Variants in GPR149 observed in about 807,000 individuals in gnomAD.
The protein encoded by GPR149 is G protein-coupled receptor 149.
Under a neutral mutation model 50.2 loss-of-function variants are expected in GPR149, and 50 were observed. The observed-to-expected ratio is 1.00, with a 90% confidence interval of 0.79 to 1.26. The LOEUF (loss-of-function observed/expected upper bound fraction) is 1.26. Ranked by LOEUF, GPR149 falls within the 50% of genes most tolerant of loss-of-function variation. The pLI is 0.00. For missense variants in GPR149, 983 were observed against 895.4 expected, an observed-to-expected ratio of 1.10 and a Z score of -1.25; for synonymous variants, 405 against 358.2, an observed-to-expected ratio of 1.13 and a Z score of -1.48.
At chr3:154,406,854 G>T (rs150848636) in intron 3 of GPR149, among the ~76,000 whole-genome samples, 1 of 152,172 alleles carries the variant, frequency 6.6e-6, no homozygotes, top group African/African-American at 2.4e-5. Flanking sequence ...CCGTTCTCAC[G>T]TTGCTGATAA....
Position 154,429,365 on chromosome 3 carries a change from G to T in GPR149, c.251C>A (p.Ser84Ter). Residue 84 changes from serine (S) to a stop codon, truncating the protein, a stop_gained, in exon 1 of 4, where the codon TCG becomes TAG. Coordinates refer to ENST00000389740, the MANE Select transcript of GPR149 (RefSeq NM_001038705.3). LOFTEE classifies it high-confidence loss of function. ...CTGCAAAAACATGAAGATGGTCACCGACAGGACGCTCATGAGATCATCCAC... is the reference window on the plus strand; with the variant it reads ...CTGCAAAAACATGAAGATGGTCACCTACAGGACGCTCATGAGATCATCCAC... ...WSVDDLMSVLSVTIFMFLQWP... is the reference protein window; with the variant it reads ...WSVDDLMSVL The T allele has an allele frequency of 2.5e-6, 4 of 1,614,176 alleles. No homozygotes were observed. The highest frequency in any genetic ancestry group is 3.4e-6 in the Non-Finnish European group (4 of 1,180,038).
At chr3:154,409,131 A>T (rs1445890980) in intron 3 of GPR149, among the ~76,000 whole-genome samples, 1 of 152,196 alleles carries the variant, frequency 6.6e-6, no homozygotes, top group African/African-American at 2.4e-5. Context: ...GAGCAAAAAC[A>T]ATCACTACAG....
At chr3:154,412,789 A>C (rs765421558) in intron 3 of GPR149, among the ~76,000 whole-genome samples, 1 of 152,102 alleles carries the variant, frequency 6.6e-6, no homozygotes, top group Non-Finnish European at 1.5e-5. Context: ...CCTTCACAGA[A>C]CTAGAAAAAC....
At chr3:154,425,667 T>C (rs1712270035) in intron 2 of GPR149, among the ~76,000 whole-genome samples, 1 of 152,144 alleles carries the variant, frequency 6.6e-6, no homozygotes, top group Non-Finnish European at 1.5e-5. Context: ...ATTTCAAGTC[T>C]TTCTTTGGAA....
chr3:154,390,663 T>C (rs1715147397), intron 3 of GPR149, among the ~76,000 whole-genome samples: 1 of 151,980 alleles, frequency 6.6e-6, no homozygotes, highest in South Asian at 2.1e-4. Flanking sequence ...AAAGAAATAA[T>C]GAATGAAAAC....
At position 154,400,554 on chromosome 3, in the gene GPR149, C is replaced by G. The variant is rs559306874; in HGVS notation, c.1623+20485G>C. On this transcript the variant is annotated intron_variant, in intron 3 of 3. Transcript: ENST00000389740. ...AACTTTAAGATAATTTCTCTAGACA[C>G]TCCTTCCACAATATTGTCATTCTGA... is the stretch of plus-strand genomic sequence containing the variant. Among the ~76,000 whole-genome samples, 9 of 152,288 alleles carry G rather than the reference C, an allele frequency of 5.9e-5. No homozygotes were observed. The South Asian group carries it at 1.7e-3, about 28-fold the overall frequency.
At chr3:154,413,606 C>T (rs1711902363) in intron 3 of GPR149, among the ~76,000 whole-genome samples, 2 of 150,866 alleles carry the variant, frequency 1.3e-5, no homozygotes, top group Non-Finnish European at 3.0e-5. Context: ...CAATGCAATG[C>T]CACCTCACAT....
rs548137591 is a variant in GPR149, at chr3:154,389,281, T to A, written c.1623+31758A>T. Among the ~76,000 whole-genome samples, 6 of 152,038 alleles carry A rather than the reference T, an allele frequency of 3.9e-5. No homozygotes were observed. In the East Asian group the frequency reaches 1.2e-3, roughly 30 times the overall value. On this transcript the variant is annotated intron_variant, in intron 3 of 3. Coordinates refer to ENST00000389740, the MANE Select transcript of GPR149 (RefSeq NM_001038705.3). ...GAGAAATCCAGAAACTAGTTACAAG[T>A]CTCCTGCATCCTGGAGCAAGTGTAA...
chr3:154,418,204 T>C (rs984863303), intron 3 of GPR149, among the ~76,000 whole-genome samples: 1 of 119,788 alleles, frequency 8.3e-6, no homozygotes, highest in Non-Finnish European at 1.7e-5. Flanking sequence ...GGAACACTTT[T>C]ACACTGTTGG....
rs1449728812 is a variant in GPR149 at position 154,336,476 on chromosome 3, AT to A, written c.*1222del. 2 of 152,126 alleles carry A rather than the reference AT, an allele frequency of 1.3e-5. No homozygotes were observed. Among genetic ancestry groups the A allele is most frequent in the Admixed American group, 6.5e-5 (1 of 15,270 alleles). The allele number at this position is 152,126 out of a possible 1,614,324, so 9.4% of individuals were successfully genotyped here. A position where few individuals can be genotyped will look rare whatever the true frequency, so the allele number is the denominator to read the frequency against. On this transcript the variant is annotated 3_prime_UTR_variant, in exon 4 of 4. Coordinates refer to ENST00000389740, the MANE Select transcript of GPR149 (RefSeq NM_001038705.3). Reference sequence around the variant, plus strand: ...TGGAAAATAAACTTTTAGGTAATACATTTCATATATGTTTACAGGAAGGTTA... The same window carrying A: ...TGGAAAATAAACTTTTAGGTAATACATTCATATATGTTTACAGGAAGGTTA...
chr3:154,360,267 T>C (rs1369133955), intron 3 of GPR149, among the ~76,000 whole-genome samples: 1 of 152,214 alleles, frequency 6.6e-6, no homozygotes, highest in African/African-American at 2.4e-5. Context: ...TTTTAATGAC[T>C]ATACTAAGGT....
At chr3:154,352,871 A>T in intron 3 of GPR149, 2 of 933,442 alleles carry the variant, frequency 2.1e-6, no homozygotes, top group East Asian at 4.8e-5. Flanking sequence ...TGATAAAAAC[A>T]TATACAAATC....
At chr3:154,352,955 C>T (rs1459329689) in intron 3 of GPR149, 11 of 952,086 alleles carry the variant, frequency 1.2e-5, no homozygotes, top group Non-Finnish European at 1.9e-5. Context: ...AATGTTGAAT[C>T]ACCAGGTCTA....
At chr3:154,368,953 C>T (rs1401377710) in intron 3 of GPR149, among the ~76,000 whole-genome samples, 2 of 152,204 alleles carry the variant, frequency 1.3e-5, no homozygotes, top group Non-Finnish European at 2.9e-5. Flanking sequence ...ATCCAACAGT[C>T]CTTGTGCCCC....
chr3:154,382,722 T>C (rs1334271109), intron 3 of GPR149, among the ~76,000 whole-genome samples: 1 of 152,208 alleles, frequency 6.6e-6, no homozygotes, highest in Non-Finnish European at 1.5e-5. Flanking sequence ...TCATATTTCA[T>C]ATACTCAAGA....
At position 154,410,282 on chromosome 3, in the gene GPR149, A is replaced by G. The variant is rs150269664; in HGVS notation, c.1623+10757T>C. On this transcript the variant is annotated intron_variant, in intron 3 of 3. Transcript: ENST00000389740. ...AAATACACCAAAACAGAACCCCCTA[A>G]AAGCATAAATCTCATAGGACCTATA... Among the ~76,000 whole-genome samples, 251 of 152,262 alleles carry G rather than the reference A, an allele frequency of 1.6e-3. 1 individual carries two copies. The highest frequency in any genetic ancestry group is 3.0e-3 in the Non-Finnish European group (206 of 68,008).
At chr3:154,345,851 G>A (rs542369671) in intron 3 of GPR149, among the ~76,000 whole-genome samples, 1 of 152,190 alleles carries the variant, frequency 6.6e-6, no homozygotes, top group Non-Finnish European at 1.5e-5. Flanking sequence ...AGAAACCATG[G>A]CATTTTAATT....
intron 3 of GPR149, chr3:154,352,912 G>T: frequency 2.3e-6 from 2 of 873,078 alleles, no homozygotes; most frequent in Admixed American, 3.4e-5. Flanking sequence ...CATCCAGAGC[G>T]ATGGATACGG....
At chr3:154,421,919 T>C (rs894167192) in intron 2 of GPR149, among the ~76,000 whole-genome samples, 1 of 151,810 alleles carries the variant, frequency 6.6e-6, no homozygotes, top group Middle Eastern at 3.2e-3. Flanking sequence ...CTTAATATTA[T>C]GTGAGTTATT....
Sources: gnomAD v4.1 joint callset for allele counts (sites outside exome capture counted in the v4.1 genomes callset) on GRCh38, gnomAD v4.1.1 for gene constraint, MANE v1.5 for transcripts, NCBI Gene and HGNC (gene_info 2026-07-23, HGNC 2026-07-21) for gene names.